Variants in AEN observed in about 807,000 individuals in gnomAD.
The protein encoded by AEN is apoptosis-enhancing nuclease.
AEN carries 21 observed loss-of-function variants against 17.7 expected under a neutral mutation model. The ratio of observed to expected loss-of-function variants is 1.19; its 90% CI spans 0.84 to 1.71. The LOEUF (loss-of-function observed/expected upper bound fraction) is 1.71. AEN is among the 40% of genes most tolerant of loss of function. The pLI is 0.00. For missense variants in AEN, 462 were observed against 435.9 expected (o/e 1.06, Z -0.53); for synonymous variants, 190 against 173.0 (o/e 1.10, Z -0.77).
the AEN span, among the ~76,000 whole-genome samples, chr15:88,610,307 ATTTTT>A: frequency 7.3e-6 from 1 of 136,230 alleles, no homozygotes; most frequent in African/African-American, 2.7e-5. Context: ...GCACGGGGCT[ATTTTT>A]TTTTTTTTTT....
chr15:88,614,325 G>A, the AEN span, among the ~76,000 whole-genome samples: 5 of 151,842 alleles, frequency 3.3e-5, no homozygotes, highest in Admixed American at 1.3e-4. Context: ...TCAGCCTCCC[G>A]ATCAGATGAG....
chr15:88,619,811 C>T (rs1031529937), upstream of AEN, among the ~76,000 whole-genome samples: 2 of 152,152 alleles, frequency 1.3e-5, no homozygotes, highest in Non-Finnish European at 2.9e-5. Flanking sequence ...AACGCTGCCT[C>T]CTAAGTAGCA....
chr15:88,618,434 A>T (rs1195475088), upstream of AEN, among the ~76,000 whole-genome samples: 1 of 152,178 alleles, frequency 6.6e-6, no homozygotes, highest in Non-Finnish European at 1.5e-5. Flanking sequence ...TTTTCCTTCT[A>T]GATTGAAATG....
chr15:88,613,233 A>C, the AEN span, among the ~76,000 whole-genome samples: 101 of 152,140 alleles, frequency 6.6e-4, no homozygotes, highest in African/African-American at 2.4e-3. Flanking sequence ...TCAGCCCTTC[A>C]CTTCTACCCA....
rs1442908227 is a variant in AEN at position 88,630,357 on chromosome 15, A to C, written c.*63A>C. 6 of 1,456,374 alleles carry C rather than the reference A, an allele frequency of 4.1e-6. No homozygotes were observed. The highest frequency in any genetic ancestry group is 3.6e-4 in the Middle Eastern group (2 of 5,536). The allele number at this position is 1,456,374 out of a possible 1,614,324, so 90.2% of individuals were successfully genotyped here. A position where few individuals can be genotyped will look rare whatever the true frequency, so the allele number is the denominator to read the frequency against. ...GCCGGTAGGAAGTGGGGGCCAGGAG[A>C]GCAGCGGGCACTCCTTCCTGGGCAG... is the stretch of plus-strand genomic sequence containing the variant. On this transcript the variant is annotated 3_prime_UTR_variant, in exon 4 of 4. Transcript: ENST00000332810. This position sits in a 1 kb window ranked among gnomAD's most constrained non-coding sequence, Gnocchi z 5.1.
At chr15:88,608,699 T>C in the AEN span, among the ~76,000 whole-genome samples, 1 of 152,254 alleles carries the variant, frequency 6.6e-6, no homozygotes, top group Non-Finnish European at 1.5e-5. Context: ...TTTTTATTTG[T>C]CTGTTTTTCC....
the AEN span, among the ~76,000 whole-genome samples, chr15:88,616,118 G>T: frequency 6.6e-6 from 1 of 151,170 alleles, no homozygotes; most frequent in Non-Finnish European, 1.5e-5. Flanking sequence ...CTTCAAGATG[G>T]AGCCTTGCTC....
chr15:88,609,778 T>C, the AEN span, among the ~76,000 whole-genome samples: 2 of 152,212 alleles, frequency 1.3e-5, no homozygotes, highest in Non-Finnish European at 2.9e-5. Context: ...CAGTTCAAAT[T>C]CATCTTCATT....
chr15:88,614,170 A>G, the AEN span, among the ~76,000 whole-genome samples: 1 of 152,202 alleles, frequency 6.6e-6, no homozygotes, highest in Non-Finnish European at 1.5e-5. Context: ...TTGGTCACTC[A>G]GCAAAATAGA....
At chr15:88,618,274 A>G (rs1202750987), upstream of AEN, among the ~76,000 whole-genome samples, 2 of 151,936 alleles carry the variant, frequency 1.3e-5, no homozygotes, top group African/African-American at 4.8e-5. Context: ...TCTGCTACGG[A>G]GTTTTATCCA....
At chr15:88,606,621 G>C in the AEN span, among the ~76,000 whole-genome samples, 7 of 152,274 alleles carry the variant, frequency 4.6e-5, no homozygotes, top group East Asian at 1.4e-3. Context: ...TGGGTGGCGG[G>C]GCTTTGGCCA....
At position 88,630,050 on chromosome 15, in the gene AEN, G is replaced by T; in HGVS notation, c.742-8G>T. The T allele has an allele frequency of 6.2e-7, 1 of 1,613,816 alleles. No homozygotes were observed. Among genetic ancestry groups the T allele is most frequent in the Non-Finnish European group, 8.5e-7 (1 of 1,179,896 alleles). ...TGCAGGCAGTGATGTGTTGGCTCTC[G>T]TCAGTAGGTGGGCCAGCACGGGCAC... On this transcript the variant is annotated splice_polypyrimidine_tract_variant and splice_region_variant and intron_variant, in intron 3 of 3. Transcript: ENST00000332810. The surrounding 1 kb of genome is among the most constrained non-coding windows in gnomAD (Gnocchi z 5.1).
At chr15:88,629,154 T>C in intron 2 of AEN, 72 bp from the exon 3 acceptor site, 9 of 1,479,414 alleles carry the variant, frequency 6.1e-6, no homozygotes, top group South Asian at 1.2e-5. Flanking sequence ...TGGCCAGGGG[T>C]TCTCAGGGCG....
chr15:88,624,633 CA>C (rs1169616458), intron 1 of AEN, among the ~76,000 whole-genome samples: 1 of 152,190 alleles, frequency 6.6e-6, no homozygotes, highest in Non-Finnish European at 1.5e-5. Context: ...CCTGTAATCC[CA>C]GCACTTTCGG....
the AEN span, among the ~76,000 whole-genome samples, chr15:88,605,659 G>C: frequency 6.6e-6 from 1 of 152,254 alleles, no homozygotes; most frequent in Non-Finnish European, 1.5e-5. The surrounding 1 kb of genome is among the most constrained non-coding windows in gnomAD (Gnocchi z 7.6). Context: ...TCTGCTGAAA[G>C]AGAGCGCCTA....
In AEN at chr15:88,630,949, T is replaced by G. The variant is rs1304072404; in HGVS notation, c.*655T>G. The G allele has an allele frequency of 2.9e-6, 1 of 346,614 alleles. No homozygotes were observed. Among genetic ancestry groups the G allele is most frequent in the Non-Finnish European group, 5.9e-6 (1 of 169,042 alleles). 21.5% of individuals were successfully genotyped at this position (346,614 alleles called of 1,614,324 possible). Reference sequence around the variant, plus strand: ...AGCTCCCTGCTAGGCTACAGTGGAATAGCAGAGCCCACAGGCTTCTCGTGG... The same window carrying G: ...AGCTCCCTGCTAGGCTACAGTGGAAGAGCAGAGCCCACAGGCTTCTCGTGG... On this transcript the variant is annotated 3_prime_UTR_variant, in exon 4 of 4. Coordinates refer to ENST00000332810, the MANE Select transcript of AEN (RefSeq NM_022767.4). This position sits in a 1 kb window ranked among gnomAD's most constrained non-coding sequence, Gnocchi z 5.1.
chr15:88,621,892 C>T (rs557630472), intron 1 of AEN: 2 of 152,280 alleles, frequency 1.3e-5, no homozygotes, highest in South Asian at 4.1e-4. Flanking sequence ...GCCCCTTTCC[C>T]CAAAATAGCA....
Position 88,626,129 on chromosome 15 carries a change from G to C in AEN, c.-64-17G>C. The C allele has an allele frequency of 6.9e-7, 1 of 1,456,662 alleles. No homozygotes were observed. The highest frequency in any genetic ancestry group is 1.4e-5 in the South Asian group (1 of 70,212). 90.2% of individuals were successfully genotyped at this position (1,456,662 alleles called of 1,614,324 possible). On this transcript the variant is annotated splice_polypyrimidine_tract_variant and intron_variant, in intron 1 of 3. Coordinates refer to ENST00000332810, the MANE Select transcript of AEN (RefSeq NM_022767.4). The stretch of plus-strand genomic sequence containing the variant: ...ACACTCTCACCCAGCCCCTCTGCCT[G>C]TGTGTTCTCTCTTCAGGCTGCTGCC...
chr15:88,617,960 C>G (rs910709259), upstream of AEN, among the ~76,000 whole-genome samples: 4 of 152,240 alleles, frequency 2.6e-5, no homozygotes, highest in Non-Finnish European at 5.9e-5. Flanking sequence ...CCCTTGAGAA[C>G]AGGCTGGCCT....
Sources: gnomAD v4.1 joint callset for allele counts (sites outside exome capture counted in the v4.1 genomes callset) on GRCh38, gnomAD v4.1.1 for gene constraint, Gnocchi (gnomAD v3.1) non-coding constraint, MANE v1.5 for transcripts, NCBI Gene and HGNC (gene_info 2026-07-23, HGNC 2026-07-21) for gene names.